Variants in PRR14L observed in about 807,000 individuals in gnomAD.
PRR14L encodes proline rich 14 like.
Under a neutral mutation model 155.0 loss-of-function variants are expected in PRR14L, and 80 were observed. The observed-to-expected ratio is 0.52, with a 90% CI of 0.43 to 0.62. PRR14L has a LOEUF of 0.62. PRR14L is among the 20% of genes least tolerant of loss of function. The probability of loss-of-function intolerance (pLI) is 0.00; values close to 1 mark genes in which losing one functional copy is unlikely to be tolerated. For missense variants in PRR14L, 2,469 were observed against 2,548.0 expected, an observed-to-expected ratio of 0.97 and a Z score of 0.67; for synonymous variants, 883 against 916.0, an observed-to-expected ratio of 0.96 and a Z score of 0.65.
At chr22:31,723,329 C>T (rs934953723) in intron 3 of PRR14L, among the ~76,000 whole-genome samples, 1 of 152,142 alleles carries the variant, frequency 6.6e-6, no homozygotes, top group African/African-American at 2.4e-5. Context: ...GAGAGTTCAT[C>T]TTATCTATGT....
rs1704678533 is a variant in PRR14L at position 31,685,388 on chromosome 22, A to G, written c.*139T>C. 4.4e-6 allele frequency: 3 copies of G among 679,536 alleles called. No individual in the cohort carries two copies. The Admixed American group carries it at 8.9e-5, about 20-fold the overall frequency. The allele number at this position is 679,536 out of a possible 1,614,324, so 42.1% of individuals were successfully genotyped here. ...CCTTGAAATAGGTAAAAATTCATGG[A>G]CTGTGCATTTTTGAGTGGTTTGGCG... is the stretch of plus-strand genomic sequence containing the variant. On this transcript the variant is annotated 3_prime_UTR_variant, in exon 9 of 9. Transcript: ENST00000327423.
In PRR14L at chr22:31,702,819, TA is replaced by T. The variant is rs1474724432; in HGVS notation, c.6000+730del. The stretch of plus-strand genomic sequence containing the variant: ...GCGTGAGCCACCGTGCCCGGCCTTT[TA>T]TTTTTTTTTTAAGATGGGGTTTCAC... On this transcript the variant is annotated intron_variant, in intron 6 of 8. Transcript: ENST00000327423. 5.5e-5 allele frequency among the ~76,000 whole-genome samples: 6 copies of T among 109,796 alleles called. No homozygotes were observed. The South Asian group carries it at 1.6e-3, about 29-fold the overall frequency. 72.0% of individuals were successfully genotyped at this position (109,796 alleles called of 152,430 possible). A position where few individuals can be genotyped will look rare whatever the true frequency, so the allele number is the denominator to read the frequency against.
intron 6 of PRR14L, among the ~76,000 whole-genome samples, chr22:31,702,182 C>T (rs961507483): frequency 1.3e-5 from 2 of 152,046 alleles, no homozygotes; most frequent in African/African-American, 4.8e-5. Context: ...CTCTATTAAG[C>T]AGTTTATGAC....
chr22:31,734,215 C>T (rs1235497841), intron 2 of PRR14L, among the ~76,000 whole-genome samples: 1 of 152,186 alleles, frequency 6.6e-6, no homozygotes. Context: ...TCATCATCCT[C>T]CCGCCTCAGC....
Position 31,703,713 on chromosome 22 carries a change from G to A in PRR14L, c.5837C>T (p.Pro1946Leu), listed in dbSNP as rs1255079081. 2.5e-6 allele frequency: 4 copies of A among 1,588,722 alleles called. No individual in the cohort carries two copies. Among genetic ancestry groups the A allele is most frequent in the Non-Finnish European group, 2.6e-6 (3 of 1,166,350 alleles). Residue 1946 changes from proline to leucine, a missense_variant, in exon 6 of 9, where the codon CCT becomes CTT. Coordinates refer to ENST00000327423, the MANE Select transcript of PRR14L (RefSeq NM_173566.3). ...NTSGSQTRLE[P>L]PFPALVPKSC... is the part of the protein sequence containing the mutation. ...CTTTGGTACCAAGGCAGGGAATGGA[G>A]GCTCCAGCCTAGCACCATGAAGAGA... is the stretch of plus-strand genomic sequence containing the variant.
At chr22:31,704,184 G>A (rs1379639067) in intron 5 of PRR14L, among the ~76,000 whole-genome samples, 1 of 152,110 alleles carries the variant, frequency 6.6e-6, no homozygotes, top group African/African-American at 2.4e-5. Flanking sequence ...GTCACTTCCA[G>A]ACATAGCCTG....
At chr22:31,725,672 T>C (rs1315576946) in intron 2 of PRR14L, 62 bp from the exon 3 acceptor site, 8 of 954,356 alleles carry the variant, frequency 8.4e-6, no homozygotes, top group Non-Finnish European at 1.3e-5. Flanking sequence ...ATGAATATTA[T>C]TATTATTATT....
chr22:31,707,420 G>A (rs1050606939), intron 4 of PRR14L, among the ~76,000 whole-genome samples: 3 of 152,062 alleles, frequency 2.0e-5, no homozygotes, highest in Admixed American at 1.3e-4. Flanking sequence ...TCGCTCTGTC[G>A]CCCAGGCTGG....
chr22:31,745,592 T>C (rs2074833228), intron 1 of PRR14L, among the ~76,000 whole-genome samples: 1 of 151,958 alleles, frequency 6.6e-6, no homozygotes, highest in African/African-American at 2.4e-5. Context: ...ATGCCTGTAA[T>C]ACCAGCACTT....
chr22:31,696,760 T>C (rs968422186), intron 7 of PRR14L, among the ~76,000 whole-genome samples: 3 of 152,338 alleles, frequency 2.0e-5, no homozygotes, highest in East Asian at 1.9e-4. Context: ...AAACTTGTCT[T>C]GGGCTTTTCT....
chr22:31,684,663 C>T lies in PRR14L; in HGVS notation c.*864G>A, dbSNP rs577971066. 1 of 152,242 alleles carries T rather than the reference C, an allele frequency of 6.6e-6. No homozygotes were observed. Among genetic ancestry groups the T allele is most frequent in the Admixed American group, 6.5e-5 (1 of 15,276 alleles). 9.4% of individuals were successfully genotyped at this position (152,242 alleles called of 1,614,324 possible). ...GATGGGGAAGGGATTGCCTGAAACACATGAATAGGAAAAATGTCTCTTCCA... is the reference window on the plus strand; with the variant it reads ...GATGGGGAAGGGATTGCCTGAAACATATGAATAGGAAAAATGTCTCTTCCA... On this transcript the variant is annotated 3_prime_UTR_variant, in exon 9 of 9. Transcript: ENST00000327423.
At chr22:31,706,643 C>T (rs148588693) in intron 4 of PRR14L, among the ~76,000 whole-genome samples, 2,270 of 152,004 alleles carry the variant, frequency 0.015, 57 homozygotes, top group African/African-American at 0.053. Context: ...AGGCTGGTCT[C>T]GAACTCCTGA....
chr22:31,708,873 C>G (rs1165158722), intron 4 of PRR14L, among the ~76,000 whole-genome samples: 1 of 152,114 alleles, frequency 6.6e-6, no homozygotes, highest in African/African-American at 2.4e-5. Flanking sequence ...GTTGCCTAGG[C>G]TGGAGTGCAA....
At chr22:31,695,341 T>C (rs1025240757) in intron 7 of PRR14L, among the ~76,000 whole-genome samples, 1 of 152,154 alleles carries the variant, frequency 6.6e-6, no homozygotes, top group African/African-American at 2.4e-5. Context: ...GGAGGAACAA[T>C]GCAGGTGGAA....
rs1465375992 is a variant in PRR14L, at chr22:31,741,583, G to A, written c.-51-2672C>T. On this transcript the variant is annotated intron_variant, in intron 1 of 8. Transcript: ENST00000327423. ...GATGTGAAAAGCTTTCATAAACAGT[G>A]CTGTAAGGCTGGGTGCGGTGGCTCA... is the stretch of plus-strand genomic sequence containing the variant. 5.9e-5 allele frequency among the ~76,000 whole-genome samples: 9 copies of A among 152,100 alleles called. 1 individual carries two copies. Among genetic ancestry groups the A allele is most frequent in the Non-Finnish European group, 4.4e-5 (3 of 68,012 alleles).
intron 1 of PRR14L, among the ~76,000 whole-genome samples, chr22:31,743,696 GGAGGCT>G (rs1378174322): frequency 1.3e-5 from 2 of 151,792 alleles, no homozygotes; most frequent in Non-Finnish European, 2.9e-5. Context: ...CAGCTACTTG[GGAGGCT>G]GAGGCAGGAG....
At chr22:31,725,879 G>A (rs1050639244) in intron 2 of PRR14L, among the ~76,000 whole-genome samples, 1 of 151,952 alleles carries the variant, frequency 6.6e-6, no homozygotes, top group Non-Finnish European at 1.5e-5. Flanking sequence ...ATGTTGGCCA[G>A]GCTGGTCTTG....
At chr22:31,718,412 C>T (rs2074672254) in intron 3 of PRR14L, among the ~76,000 whole-genome samples, 1 of 152,062 alleles carries the variant, frequency 6.6e-6, no homozygotes, top group Non-Finnish European at 1.5e-5. Context: ...CCCACCACCA[C>T]ACCTGGCTAA....
intron 3 of PRR14L, among the ~76,000 whole-genome samples, chr22:31,723,599 C>T (rs924834250): frequency 2.0e-5 from 3 of 152,190 alleles, no homozygotes; most frequent in African/African-American, 7.2e-5. Flanking sequence ...CCTAGTAAGC[C>T]TCTAAGAACA....
Sources: allele counts gnomAD v4.1 joint callset (sites outside exome capture counted in the v4.1 genomes callset), GRCh38; gene constraint gnomAD v4.1.1; transcripts MANE v1.5; gene names NCBI Gene and HGNC (gene_info 2026-07-23, HGNC 2026-07-21).